Variants in FRMD4A observed in about 807,000 individuals in gnomAD.
The protein encoded by FRMD4A is FERM domain containing 4A, also known as FERM domain-containing protein 4A.
A neutral mutation model predicts 129.1 loss-of-function variants in FRMD4A; 29 were observed. The ratio of observed to expected loss-of-function variants is 0.22; its 90% CI spans 0.17 to 0.31. The LOEUF (loss-of-function observed/expected upper bound fraction) is 0.31. Ranked by LOEUF, FRMD4A falls within the 10% of genes least tolerant of loss-of-function variation. The pLI is 1.00. For synonymous variants in FRMD4A, 634 were observed against 571.6 expected, an observed-to-expected ratio of 1.11 and a Z score of -1.56; for missense variants, 1,272 against 1,375.8, an observed-to-expected ratio of 0.92 and a Z score of 1.19.
At chr10:13,809,656 G>A (rs1284276273) in intron 4 of FRMD4A, among the ~76,000 whole-genome samples, 1 of 152,144 alleles carries the variant, frequency 6.6e-6, no homozygotes, top group African/African-American at 2.4e-5. Flanking sequence ...CAGGCTCCAG[G>A]ACGAGGGGCC....
At chr10:14,036,570 G>A (rs1413408105) in intron 2 of FRMD4A, among the ~76,000 whole-genome samples, 3 of 152,212 alleles carry the variant, frequency 2.0e-5, no homozygotes, top group Admixed American at 6.5e-5. Flanking sequence ...CTACCATGAC[G>A]GAATCACTGA....
intron 15 of FRMD4A, among the ~76,000 whole-genome samples, chr10:13,688,180 G>A (rs901105244): frequency 6.6e-6 from 1 of 152,148 alleles, no homozygotes; most frequent in African/African-American, 2.4e-5. Context: ...TTAAGAAAAT[G>A]CGGCACATAT....
At chr10:14,014,190 G>C (rs1177592148) in intron 2 of FRMD4A, among the ~76,000 whole-genome samples, 3 of 152,150 alleles carry the variant, frequency 2.0e-5, no homozygotes, top group Admixed American at 6.5e-5. Context: ...CGCTTTGATG[G>C]AAGTTGGTGT....
intron 3 of FRMD4A, among the ~76,000 whole-genome samples, chr10:13,847,269 A>G (rs759323860): frequency 1.3e-5 from 2 of 152,190 alleles, no homozygotes; most frequent in African/African-American, 2.4e-5. Context: ...GGCTCTGGCA[A>G]AATATGGAAA....
chr10:14,166,692 G>A (rs1841196306), intron 2 of FRMD4A, among the ~76,000 whole-genome samples: 1 of 152,162 alleles, frequency 6.6e-6, no homozygotes, highest in South Asian at 2.1e-4. Flanking sequence ...CTCACCCAAA[G>A]AACAGGATAG....
rs1225863922 is a variant in FRMD4A at position 13,995,380 on chromosome 10, T to G, written c.46-136468A>C. 2.0e-5 allele frequency among the ~76,000 whole-genome samples: 3 copies of G among 152,226 alleles called. No individual in the cohort carries two copies. The East Asian group carries it at 5.8e-4, about 29-fold the overall frequency. ...AGGTGGATTGCTTGAGGCCAAGAGT[T>G]TTGAGACCAGCCTGGCCAACATAAT... is the stretch of plus-strand genomic sequence containing the variant. On this transcript the variant is annotated intron_variant, in intron 2 of 24. Coordinates refer to ENST00000357447, the MANE Select transcript of FRMD4A (RefSeq NM_018027.5).
At chr10:13,918,183 T>C (rs1000661821) in intron 2 of FRMD4A, among the ~76,000 whole-genome samples, 1 of 152,206 alleles carries the variant, frequency 6.6e-6, no homozygotes. Flanking sequence ...TATTAGAATG[T>C]GGGTTTCTTG....
At chr10:13,824,239 A>G (rs1452999890) in intron 3 of FRMD4A, among the ~76,000 whole-genome samples, 5 of 150,724 alleles carry the variant, frequency 3.3e-5, no homozygotes, top group African/African-American at 1.2e-4. Flanking sequence ...GCACTAAGGG[A>G]GACCAAGGAG....
chr10:14,198,885 T>C (rs1460798722), intron 2 of FRMD4A, among the ~76,000 whole-genome samples: 1 of 152,212 alleles, frequency 6.6e-6, no homozygotes, highest in Non-Finnish European at 1.5e-5. Flanking sequence ...AACAATAGCA[T>C]CTGCCTTACA....
chr10:13,667,740 A>G (rs369179570), intron 17 of FRMD4A: 3 of 152,248 alleles, frequency 2.0e-5, no homozygotes, highest in African/African-American at 7.2e-5. Context: ...AGCTCTAAAC[A>G]GCACCTTGTC....
intron 2 of FRMD4A, among the ~76,000 whole-genome samples, chr10:14,323,417 C>G (rs1316558297): frequency 6.6e-6 from 1 of 152,158 alleles, no homozygotes; most frequent in African/African-American, 2.4e-5. Flanking sequence ...TTTGTTCAAA[C>G]TAGCATAAAA....
intron 2 of FRMD4A, among the ~76,000 whole-genome samples, chr10:13,907,482 CG>C (rs2094894168): frequency 6.6e-6 from 1 of 152,122 alleles, no homozygotes; most frequent in Non-Finnish European, 1.5e-5. Flanking sequence ...AAACCCACGG[CG>C]GGTCCCAGAT....
At chr10:14,029,863 T>C (rs566660346) in intron 2 of FRMD4A, among the ~76,000 whole-genome samples, 57 of 152,200 alleles carry the variant, frequency 3.7e-4, no homozygotes, top group African/African-American at 1.4e-3. Context: ...GAGTTGATTT[T>C]TGTATATGGT....
chr10:13,989,941 TC>T (rs2095597536), intron 2 of FRMD4A, among the ~76,000 whole-genome samples: 1 of 152,222 alleles, frequency 6.6e-6, no homozygotes, highest in African/African-American at 2.4e-5. Context: ...GACCTAGAGT[TC>T]CTTTCTAAAG....
At chr10:14,090,963 C>T (rs1334094960) in intron 2 of FRMD4A, among the ~76,000 whole-genome samples, 3 of 152,136 alleles carry the variant, frequency 2.0e-5, no homozygotes, top group African/African-American at 7.2e-5. Context: ...CACACACCAC[C>T]ACGCCCAGCT....
At chr10:14,055,564 A>G (rs1335886684) in intron 2 of FRMD4A, among the ~76,000 whole-genome samples, 1 of 152,108 alleles carries the variant, frequency 6.6e-6, no homozygotes, top group Non-Finnish European at 1.5e-5. Context: ...ATTTTCTCAC[A>G]AGGATTCTGA....
chr10:13,931,440 C>A (rs949549697), intron 2 of FRMD4A, among the ~76,000 whole-genome samples: 4 of 152,120 alleles, frequency 2.6e-5, no homozygotes, highest in African/African-American at 9.7e-5. Flanking sequence ...ACCCTTGTAC[C>A]AATGACCATG....
Position 14,236,995 on chromosome 10 carries a change from C to CAAAA in FRMD4A, c.45+93059_45+93062dup, listed in dbSNP as rs71477244. On this transcript the variant is annotated intron_variant, in intron 2 of 24. Transcript: ENST00000357447. ...CTGAGAAGGAACTCCAACAGGTCAGCAAAAAAAAAAAAAAAAAAAAAAAAA... is the reference window on the plus strand; with the variant it reads ...CTGAGAAGGAACTCCAACAGGTCAGCAAAAAAAAAAAAAAAAAAAAAAAAAAAAA... Among the ~76,000 whole-genome samples the CAAAA allele has an allele frequency of 4.3e-3, 323 of 75,358 alleles. 21 individuals carry two copies. The highest frequency in any genetic ancestry group is 0.017 in the Middle Eastern group (2 of 118). 49.4% of individuals were successfully genotyped at this position (75,358 alleles called of 152,430 possible).
At chr10:14,014,569 G>C (rs190974645) in intron 2 of FRMD4A, among the ~76,000 whole-genome samples, 163 of 152,266 alleles carry the variant, frequency 1.1e-3, no homozygotes, top group Non-Finnish European at 1.7e-3. Flanking sequence ...CTGGGACTGA[G>C]GTTAGACAAA....
Sources: allele counts gnomAD v4.1 joint callset (sites outside exome capture counted in the v4.1 genomes callset), GRCh38; gene constraint gnomAD v4.1.1; transcripts MANE v1.5; gene names NCBI Gene and HGNC (gene_info 2026-07-23, HGNC 2026-07-21).